Variants in ALG5 observed in about 807,000 individuals in gnomAD.
ALG5 encodes dolichyl-phosphate beta-glucosyltransferase.
Under a neutral mutation model 51.8 loss-of-function variants are expected in ALG5, and 26 were observed. That is an observed-to-expected ratio of 0.50 (90% CI 0.37 to 0.70). The LOEUF is 0.70. ALG5 is among the 30% of genes least tolerant of loss of function. ALG5 has a pLI of 0.00. For synonymous variants in ALG5, 141 were observed against 136.1 expected (o/e 1.04, Z -0.25); for missense variants, 311 against 399.3 (o/e 0.78, Z 1.88).
intron 4 of ALG5, among the ~76,000 whole-genome samples, chr13:36,990,914 C>G (rs1329609390): frequency 6.6e-6 from 1 of 152,216 alleles, no homozygotes; most frequent in South Asian, 2.1e-4. Flanking sequence ...AAAGTCCCCA[C>G]ATCTCTACCC....
At chr13:36,966,035 C>T (rs1420353417) in intron 7 of ALG5, among the ~76,000 whole-genome samples, 5 of 152,290 alleles carry the variant, frequency 3.3e-5, no homozygotes, top group South Asian at 2.1e-4. Flanking sequence ...GCAAGGAGAA[C>T]GTCTTGTTTA....
At chr13:36,962,958 CT>C (rs1179288041) in intron 8 of ALG5, among the ~76,000 whole-genome samples, 2 of 152,004 alleles carry the variant, frequency 1.3e-5, no homozygotes, top group African/African-American at 4.8e-5. Flanking sequence ...CAGCTTTTTA[CT>C]TTTTTTAAGA....
intron 1 of ALG5, 137 bp from the exon 2 acceptor site, chr13:36,995,733 C>A: frequency 2.6e-6 from 2 of 777,272 alleles, no homozygotes; most frequent in South Asian, 1.8e-5. Flanking sequence ...TAACAATGGT[C>A]TAGAGGTGAC....
intron 5 of ALG5, among the ~76,000 whole-genome samples, chr13:36,989,038 C>A (rs773724719): frequency 6.6e-6 from 1 of 152,138 alleles, no homozygotes; most frequent in Non-Finnish European, 1.5e-5. Flanking sequence ...TAATTATAAT[C>A]TTCTTTTTTA....
Position 36,999,260 on chromosome 13 carries a change from G to A in ALG5, c.41C>T (p.Ala14Val). The change falls in exon 1 of 10, where the codon GCG becomes GTG. Residue 14 changes from alanine to valine, a missense_variant. Transcript: ENST00000239891. ...CAGTACGAGGGCTGCGGCCGCCAGC[G>A]CCGCGCCGAGCACCGCCAGCTGCAA... is the stretch of plus-strand genomic sequence containing the variant. ...LLLQLAVLGA[A>V]LAAAALVLIS... 3 of 1,580,666 alleles carry A rather than the reference G, an allele frequency of 1.9e-6. No individual in the cohort carries two copies. Among genetic ancestry groups the A allele is most frequent in the Middle Eastern group, 1.7e-4 (1 of 5,966 alleles).
intron 5 of ALG5, among the ~76,000 whole-genome samples, chr13:36,986,526 T>A (rs569798549): frequency 6.6e-6 from 1 of 152,210 alleles, no homozygotes; most frequent in Non-Finnish European, 1.5e-5. Flanking sequence ...TGACTATAGG[T>A]AAGACATATA....
chr13:36,995,181 C>T (rs2059043367), intron 2 of ALG5, 146 bp from the exon 3 acceptor site: 1 of 805,498 alleles, frequency 1.2e-6, no homozygotes, highest in Non-Finnish European at 2.0e-6. Flanking sequence ...GAAATCCTGC[C>T]TTCTGTCCAC....
At chr13:36,964,486 T>G (rs2058883154) in intron 8 of ALG5, among the ~76,000 whole-genome samples, 1 of 152,074 alleles carries the variant, frequency 6.6e-6, no homozygotes, top group Non-Finnish European at 1.5e-5. Context: ...AGGGCTGATG[T>G]CAGGGTTTCA....
intron 8 of ALG5, among the ~76,000 whole-genome samples, chr13:36,962,085 G>A (rs535453177): frequency 6.6e-5 from 10 of 152,284 alleles, no homozygotes; most frequent in African/African-American, 2.2e-4. Flanking sequence ...ACTACGCCCA[G>A]CCGATACCAA....
At chr13:36,982,285 T>C (rs1372730337) in intron 6 of ALG5, among the ~76,000 whole-genome samples, 1 of 152,214 alleles carries the variant, frequency 6.6e-6, no homozygotes, top group Non-Finnish European at 1.5e-5. Context: ...TTGCATTTGG[T>C]GTCTAGAGGA....
intron 6 of ALG5, among the ~76,000 whole-genome samples, chr13:36,974,362 CATT>C (rs1162584221): frequency 5.9e-5 from 9 of 152,018 alleles, no homozygotes; most frequent in African/African-American, 2.2e-4. Context: ...TAAAAGTGCT[CATT>C]ATAAAAAATT....
At chr13:36,979,170 C>T (rs2058967591) in intron 6 of ALG5, among the ~76,000 whole-genome samples, 1 of 151,944 alleles carries the variant, frequency 6.6e-6, no homozygotes, top group African/African-American at 2.4e-5. Flanking sequence ...GTGTGTGCCA[C>T]CATGCATGGC....
chr13:36,952,393 G>T, intron 9 of ALG5, 121 bp downstream of exon 9: 1 of 676,394 alleles, frequency 1.5e-6, no homozygotes. Flanking sequence ...CTGGATCTTT[G>T]AGTCAAGACA....
intron 6 of ALG5, among the ~76,000 whole-genome samples, chr13:36,974,471 A>AT (rs1252944255): frequency 1.3e-5 from 2 of 152,190 alleles, no homozygotes; most frequent in African/African-American, 4.8e-5. Flanking sequence ...TAAACTGTGT[A>AT]TATTTCTTTG....
At chr13:36,998,107 G>A (rs990310974) in intron 1 of ALG5, among the ~76,000 whole-genome samples, 1 of 152,052 alleles carries the variant, frequency 6.6e-6, no homozygotes, top group South Asian at 2.1e-4. Context: ...AACAAATACC[G>A]TCAGTACAAT....
chr13:36,957,312 T>G (rs1324203861), intron 8 of ALG5, among the ~76,000 whole-genome samples: 1 of 150,972 alleles, frequency 6.6e-6, no homozygotes, highest in Non-Finnish European at 1.5e-5. Flanking sequence ...GATTTCAGTA[T>G]CTACTAGTCT....
intron 6 of ALG5, among the ~76,000 whole-genome samples, chr13:36,974,320 T>C (rs1413270834): frequency 1.3e-5 from 2 of 152,172 alleles, no homozygotes; most frequent in Non-Finnish European, 2.9e-5. Context: ...TCTTATACCA[T>C]TTGAATTTTG....
chr13:36,991,263 C>T (rs1408947509), intron 4 of ALG5, among the ~76,000 whole-genome samples: 4 of 152,162 alleles, frequency 2.6e-5, no homozygotes, highest in South Asian at 2.1e-4. Flanking sequence ...TTTCTCTTTT[C>T]TAGCCTCCAT....
At chr13:36,970,371 T>C (rs2058916557) in intron 7 of ALG5, among the ~76,000 whole-genome samples, 1 of 152,038 alleles carries the variant, frequency 6.6e-6, no homozygotes, top group African/African-American at 2.4e-5. Context: ...CCCAGCACTT[T>C]GGGAGGCCAA....
Sources: allele counts gnomAD v4.1 joint callset (sites outside exome capture counted in the v4.1 genomes callset), GRCh38; gene constraint gnomAD v4.1.1; transcripts MANE v1.5; gene names NCBI Gene and HGNC (gene_info 2026-07-23, HGNC 2026-07-21).